MTBP: variants seen among roughly 807,000 people sequenced by gnomAD.
MTBP encodes the protein MDM2 binding protein.
MTBP carries 101 observed loss-of-function variants against 117.0 expected under a neutral mutation model. That is an observed-to-expected ratio of 0.86 (90% CI 0.73 to 1.02). The LOEUF is 1.02. Ranked by LOEUF, MTBP falls within the 50% of genes least tolerant of loss-of-function variation. The probability of loss-of-function intolerance (pLI) is 0.00; values close to 1 mark genes in which losing one functional copy is unlikely to be tolerated. For synonymous variants in MTBP, 350 were observed against 351.5 expected (o/e 1.00, Z 0.05); for missense variants, 970 against 1,030.9 (o/e 0.94, Z 0.81).
rs573350063 is a variant in MTBP, at chr8:120,510,532, A to G, written c.1979+503A>G. Among the ~76,000 whole-genome samples the G allele has an allele frequency of 4.4e-4, 67 of 152,354 alleles. 1 individual carries two copies. The highest frequency in any genetic ancestry group is 1.5e-3 in the African/African-American group (62 of 41,588). ...TGGTATATTTATATAAAGCAATACT[A>G]TTCAACTATAACAAGGAATGAAATA... On this transcript the variant is annotated intron_variant, in intron 17 of 21. Transcript: ENST00000305949.
At chr8:120,513,063 CTTGT>C (rs35713262) in intron 17 of MTBP, among the ~76,000 whole-genome samples, 2,075 of 152,064 alleles carry the variant, frequency 0.014, 40 homozygotes, top group African/African-American at 0.046. Context: ...CCACTGTTGG[CTTGT>C]TTGTTTTTTC....
intron 16 of MTBP, among the ~76,000 whole-genome samples, chr8:120,507,170 A>C (rs1160237962): frequency 7.9e-5 from 12 of 152,240 alleles, no homozygotes; most frequent in East Asian, 3.9e-4. Flanking sequence ...AATTTGACTT[A>C]CAAAATTTTT....
rs1815039023 is a variant in MTBP at position 120,523,570 on chromosome 8, AT to A, written c.*239del. On this transcript the variant is annotated 3_prime_UTR_variant, in exon 22 of 22. Coordinates refer to ENST00000305949, the MANE Select transcript of MTBP (RefSeq NM_022045.5). ...TAAAGTGTTACTATATTTTAAAGTTATTTTTATATGTTTTAAAATGTTTACT... is the reference window on the plus strand; with the variant it reads ...TAAAGTGTTACTATATTTTAAAGTTATTTTATATGTTTTAAAATGTTTACT... 3 of 238,186 alleles carry A rather than the reference AT, an allele frequency of 1.3e-5. No homozygotes were observed. Among genetic ancestry groups the A allele is most frequent in the Admixed American group, 5.6e-5 (1 of 17,986 alleles). The allele number at this position is 238,186 out of a possible 1,614,324, so 14.8% of individuals were successfully genotyped here.
At chr8:120,479,104 A>G (rs1586952914) in intron 11 of MTBP, among the ~76,000 whole-genome samples, 4 of 152,202 alleles carry the variant, frequency 2.6e-5, no homozygotes, top group East Asian at 1.9e-4. Context: ...TAAACCCTGG[A>G]TATACACAAA....
intron 14 of MTBP, among the ~76,000 whole-genome samples, chr8:120,498,587 A>G (rs72678300): frequency 0.04 from 6,066 of 152,314 alleles, 169 homozygotes; most frequent in Middle Eastern, 0.14. Flanking sequence ...AGTTATGAAG[A>G]TTAAATTAAT....
At chr8:120,479,003 G>C (rs1389648039) in intron 11 of MTBP, among the ~76,000 whole-genome samples, 1 of 152,204 alleles carries the variant, frequency 6.6e-6, no homozygotes, top group African/African-American at 2.4e-5. Context: ...CATGTCCTTT[G>C]CAACACCGTG....
chr8:120,465,178 A>G (rs751765029), intron 10 of MTBP, among the ~76,000 whole-genome samples: 1 of 152,120 alleles, frequency 6.6e-6, no homozygotes, highest in Non-Finnish European at 1.5e-5. Context: ...CTGTCCAGTC[A>G]CCTAATTTTT....
At chr8:120,475,453 G>T (rs1462421511) in intron 11 of MTBP, among the ~76,000 whole-genome samples, 1 of 151,816 alleles carries the variant, frequency 6.6e-6, no homozygotes, top group East Asian at 1.9e-4. Flanking sequence ...CAAAATTTGT[G>T]CTCCAATTTT....
chr8:120,511,021 T>C (rs536137465), intron 17 of MTBP, among the ~76,000 whole-genome samples: 1 of 152,180 alleles, frequency 6.6e-6, no homozygotes, highest in African/African-American at 2.4e-5. Context: ...CTAATTTGAA[T>C]CTAAATGGTA....
intron 11 of MTBP, among the ~76,000 whole-genome samples, chr8:120,485,638 T>C (rs903357865): frequency 1.3e-5 from 2 of 152,246 alleles, no homozygotes; most frequent in African/African-American, 4.8e-5. Context: ...ACAAGTATTT[T>C]CTGTCACTTG....
At chr8:120,491,175 T>C (rs554491909) in intron 13 of MTBP, among the ~76,000 whole-genome samples, 1 of 152,270 alleles carries the variant, frequency 6.6e-6, no homozygotes, top group Non-Finnish European at 1.5e-5. Flanking sequence ...TAATTGAACT[T>C]ATTTATGGTT....
intron 13 of MTBP, among the ~76,000 whole-genome samples, chr8:120,494,170 C>T (rs1488748678): frequency 6.6e-6 from 1 of 152,126 alleles, no homozygotes; most frequent in Non-Finnish European, 1.5e-5. Flanking sequence ...TCTTATTCTA[C>T]TCCCTTGCAT....
chr8:120,496,235 T>C (rs1814454345), intron 13 of MTBP, among the ~76,000 whole-genome samples: 1 of 152,176 alleles, frequency 6.6e-6, no homozygotes, highest in African/African-American at 2.4e-5. Context: ...CAGAGCATGC[T>C]TTGTTCATGA....
At chr8:120,520,081 A>T (rs1403735502) in intron 20 of MTBP, among the ~76,000 whole-genome samples, 2 of 152,182 alleles carry the variant, frequency 1.3e-5, no homozygotes, top group East Asian at 3.8e-4. Flanking sequence ...TCACTTTTAA[A>T]TATGACTAGA....
At chr8:120,475,868 A>G (rs1474473937) in intron 11 of MTBP, among the ~76,000 whole-genome samples, 1 of 152,086 alleles carries the variant, frequency 6.6e-6, no homozygotes, top group Non-Finnish European at 1.5e-5. Flanking sequence ...TTGAATGATC[A>G]TCTGCAACCT....
At position 120,456,724 on chromosome 8, in the gene MTBP, A is replaced by C. The variant is rs1365990942; in HGVS notation, c.747+54A>C. On this transcript the variant is annotated intron_variant, in intron 7 of 21. Coordinates refer to ENST00000305949, the MANE Select transcript of MTBP (RefSeq NM_022045.5). Reference sequence around the variant, plus strand: ...TAGGCCTTTCAATTTTATTTACAACACAGATATTTAAATAAATCTTAATGA... The same window carrying C: ...TAGGCCTTTCAATTTTATTTACAACCCAGATATTTAAATAAATCTTAATGA... 5.8e-6 allele frequency: 5 copies of C among 857,808 alleles called. No individual in the cohort carries two copies. The East Asian group carries it at 1.2e-4, about 21-fold the overall frequency. The allele number at this position is 857,808 out of a possible 1,614,324, so 53.1% of individuals were successfully genotyped here. A position where few individuals can be genotyped will look rare whatever the true frequency, so the allele number is the denominator to read the frequency against.
intron 15 of MTBP, among the ~76,000 whole-genome samples, chr8:120,505,711 T>G (rs933552155): frequency 2.0e-5 from 3 of 152,194 alleles, no homozygotes; most frequent in Non-Finnish European, 4.4e-5. Flanking sequence ...TTATTTATGC[T>G]ATGGTAACAG....
intron 7 of MTBP, among the ~76,000 whole-genome samples, chr8:120,457,383 T>G (rs1813491245): frequency 6.6e-6 from 1 of 152,196 alleles, no homozygotes; most frequent in Admixed American, 6.5e-5. Context: ...TTCTTAATGT[T>G]TATTTAGGGT....
chr8:120,454,864 G>A lies in MTBP; in HGVS notation c.485-571G>A, dbSNP rs563043152. ...TCATTTTGATTTTTGTAGTCCTTCA[G>A]GAAATGTATAATTTTATAAAATTTA... is the stretch of plus-strand genomic sequence containing the variant. On this transcript the variant is annotated intron_variant, in intron 5 of 21. Transcript: ENST00000305949. Among the ~76,000 whole-genome samples the A allele has an allele frequency of 2.6e-5, 4 of 151,960 alleles. No individual in the cohort carries two copies. In the South Asian group the frequency reaches 8.3e-4, roughly 32 times the overall value.
Sources: allele counts gnomAD v4.1 joint callset (sites outside exome capture counted in the v4.1 genomes callset), GRCh38; gene constraint gnomAD v4.1.1; transcripts MANE v1.5; gene names NCBI Gene and HGNC (gene_info 2026-07-23, HGNC 2026-07-21).